SLC5A8: variants seen among roughly 807,000 people sequenced by gnomAD.
The protein encoded by SLC5A8 is sodium-coupled monocarboxylate transporter 1.
SLC5A8 carries 55 observed loss-of-function variants against 71.9 expected under a neutral mutation model. That is an observed-to-expected ratio of 0.77 (90% CI 0.62 to 0.96). The LOEUF is 0.96. Among genes scored for constraint, SLC5A8 ranks in the 40% least tolerant of loss-of-function variants. The probability of loss-of-function intolerance (pLI) is 0.00; values close to 1 mark genes in which losing one functional copy is unlikely to be tolerated. For missense variants in SLC5A8, 701 were observed against 745.3 expected (o/e 0.94, Z 0.69); for synonymous variants, 307 against 276.1 (o/e 1.11, Z -1.11).
At chr12:101,195,695 CTTTT>C (rs11338261) in intron 3 of SLC5A8, among the ~76,000 whole-genome samples, 8 of 97,450 alleles carry the variant, frequency 8.2e-5, no homozygotes, top group Middle Eastern at 4.9e-3. Flanking sequence ...ATGGTAATTC[CTTTT>C]TTTTTTTTTT....
intron 13 of SLC5A8, among the ~76,000 whole-genome samples, chr12:101,159,810 G>C (rs888820326): frequency 2.6e-5 from 4 of 152,170 alleles, no homozygotes; most frequent in African/African-American, 7.2e-5. Context: ...AAGGACCAAA[G>C]GGCAAATAGT....
chr12:101,208,531 C>T (rs867336769), intron 1 of SLC5A8, among the ~76,000 whole-genome samples: 3 of 152,108 alleles, frequency 2.0e-5, no homozygotes, highest in Non-Finnish European at 2.9e-5. Flanking sequence ...GCTTTGATCC[C>T]GCCCCCACCT....
chr12:101,182,264 C>A (rs1593372600), intron 9 of SLC5A8, among the ~76,000 whole-genome samples: 2 of 152,206 alleles, frequency 1.3e-5, no homozygotes, highest in African/African-American at 4.8e-5. Flanking sequence ...TCATAACACT[C>A]TGTTTCTTTA....
At chr12:101,167,847 C>G (rs2137127104) in intron 11 of SLC5A8, among the ~76,000 whole-genome samples, 1 of 152,232 alleles carries the variant, frequency 6.6e-6, no homozygotes, top group African/African-American at 2.4e-5. Context: ...AAATGTTGCT[C>G]CTTTAGTTAT....
In SLC5A8 at chr12:101,193,931, A is replaced by G. The variant is rs111559292; in HGVS notation, c.538-152T>C. On this transcript the variant is annotated intron_variant, in intron 4 of 14. Transcript: ENST00000536262. ...AAACAGTCAGGTTGGGAGAATCTTC[A>G]TACAGAAGGATATATTTAAATCAAG... The G allele has an allele frequency of 7.2e-4, 526 of 733,668 alleles. 2 individuals are homozygous for G. The highest frequency in any genetic ancestry group is 9.6e-4 in the Non-Finnish European group (448 of 467,966). The allele number at this position is 733,668 out of a possible 1,614,324, so 45.4% of individuals were successfully genotyped here. A position where few individuals can be genotyped will look rare whatever the true frequency, so the allele number is the denominator to read the frequency against.
At chr12:101,184,587 C>T (rs904874403) in intron 7 of SLC5A8, among the ~76,000 whole-genome samples, 1 of 152,130 alleles carries the variant, frequency 6.6e-6, no homozygotes, top group Non-Finnish European at 1.5e-5. Context: ...AATAAATGCT[C>T]AAAACAAAGT....
intron 10 of SLC5A8, among the ~76,000 whole-genome samples, chr12:101,177,585 A>C (rs2051893027): frequency 6.6e-6 from 1 of 152,120 alleles, no homozygotes; most frequent in Non-Finnish European, 1.5e-5. Context: ...ATATATAAAA[A>C]TAACTACACA....
chr12:101,208,153 G>C (rs1477785244), intron 1 of SLC5A8, among the ~76,000 whole-genome samples: 1 of 151,914 alleles, frequency 6.6e-6, no homozygotes. Flanking sequence ...TCGCCAGTTT[G>C]TCACTTCTGA....
At chr12:101,181,033 C>T (rs2051927442) in intron 9 of SLC5A8, among the ~76,000 whole-genome samples, 1 of 152,064 alleles carries the variant, frequency 6.6e-6, no homozygotes, top group Non-Finnish European at 1.5e-5. Context: ...GCAAAAGTCA[C>T]CTGAAATCAG....
intron 10 of SLC5A8, among the ~76,000 whole-genome samples, chr12:101,177,891 A>C (rs1277537051): frequency 6.6e-6 from 1 of 152,158 alleles, no homozygotes; most frequent in African/African-American, 2.4e-5. Context: ...CAGTGCAATA[A>C]GGAAATAAAA....
chr12:101,189,769 A>G (rs1000708812), intron 6 of SLC5A8, among the ~76,000 whole-genome samples: 2 of 152,170 alleles, frequency 1.3e-5, no homozygotes, highest in African/African-American at 4.8e-5. Flanking sequence ...CATTCTTCAT[A>G]TTCATTCTGC....
At chr12:101,169,818 A>T (rs900554090) in intron 10 of SLC5A8, among the ~76,000 whole-genome samples, 1 of 152,210 alleles carries the variant, frequency 6.6e-6, no homozygotes, top group Admixed American at 6.5e-5. Context: ...TTGATACAGG[A>T]TTGAACAACG....
Position 101,204,508 on chromosome 12 carries a change from C to T in SLC5A8, c.409G>A (p.Val137Ile), listed in dbSNP as rs764838924. 4 of 1,593,294 alleles carry T rather than the reference C, an allele frequency of 2.5e-6. No homozygotes were observed. The highest frequency in any genetic ancestry group is 3.4e-6 in the Non-Finnish European group (4 of 1,173,654). ...AATGGAGAGCTACTTACTGTTTGAACAATGAAGAGGACTGTTCCACAGAGA... is the reference window on the plus strand; with the variant it reads ...AATGGAGAGCTACTTACTGTTTGAATAATGAAGAGGACTGTTCCACAGAGA... ...VRLCGTVLFIVQTILYTGIVI... is the reference protein window; with the variant it reads ...VRLCGTVLFIIQTILYTGIVI... Residue 137 changes from valine to isoleucine, a missense_variant, in exon 2 of 15, where the codon GTT becomes ATT. By Grantham distance (29) the Val-to-Ile change is conservative. Coordinates refer to ENST00000536262, the MANE Select transcript of SLC5A8 (RefSeq NM_145913.5).
chr12:101,206,261 G>A (rs1593387209), intron 1 of SLC5A8, among the ~76,000 whole-genome samples: 1 of 152,192 alleles, frequency 6.6e-6, no homozygotes, highest in Non-Finnish European at 1.5e-5. Context: ...CTTTTTAGAA[G>A]ACTGGAGAAG....
chr12:101,169,532 C>T (rs2051807789), intron 10 of SLC5A8, among the ~76,000 whole-genome samples: 1 of 152,100 alleles, frequency 6.6e-6, no homozygotes, highest in South Asian at 2.1e-4. Flanking sequence ...ACTGCTATGT[C>T]CTAAACAACA....
chr12:101,195,404 T>C (rs1194725049), intron 3 of SLC5A8, among the ~76,000 whole-genome samples: 1 of 152,158 alleles, frequency 6.6e-6, no homozygotes, highest in Non-Finnish European at 1.5e-5. Context: ...ATTCAATACA[T>C]GGAAAGGCGT....
chr12:101,199,707 A>G (rs965661237), intron 3 of SLC5A8, among the ~76,000 whole-genome samples: 1 of 151,970 alleles, frequency 6.6e-6, no homozygotes, highest in African/African-American at 2.4e-5. Flanking sequence ...CGTAGTGGAC[A>G]TGGAAAACGA....
At chr12:101,169,935 G>A (rs2051812416) in intron 10 of SLC5A8, among the ~76,000 whole-genome samples, 2 of 152,182 alleles carry the variant, frequency 1.3e-5, no homozygotes, top group African/African-American at 4.8e-5. Flanking sequence ...AAAGTACAAG[G>A]TGCTTCTAGA....
chr12:101,171,521 G>A (rs1445663411), intron 10 of SLC5A8, among the ~76,000 whole-genome samples: 1 of 152,134 alleles, frequency 6.6e-6, no homozygotes, highest in Non-Finnish European at 1.5e-5. Flanking sequence ...AGTAGGAGTT[G>A]GTGGCGCCCT....
Sources: allele counts gnomAD v4.1 joint callset (sites outside exome capture counted in the v4.1 genomes callset), GRCh38; gene constraint gnomAD v4.1.1; transcripts MANE v1.5; gene names NCBI Gene and HGNC (gene_info 2026-07-23, HGNC 2026-07-21).